Variants in DMD observed in about 807,000 individuals in gnomAD.
The protein encoded by DMD is mutant dystrophin.
In DMD, 63 loss-of-function variants were observed where a neutral mutation model predicts 330.1. The ratio of observed to expected loss-of-function variants is 0.19; its 90% CI spans 0.16 to 0.24. The LOEUF (loss-of-function observed/expected upper bound fraction) is 0.24. DMD is among the 10% of genes least tolerant of loss of function. The pLI, the probability that DMD is intolerant of heterozygous loss-of-function variation, is 1.00. For missense variants in DMD, 3,344 were observed against 2,684.1 expected (o/e 1.25, Z -5.43); for synonymous variants, 1,223 against 959.8 (o/e 1.27, Z -5.07).
Position 32,049,671 on chromosome X carries a change from T to A in DMD, c.6439-81157A>T, listed in dbSNP as rs765812873. The stretch of plus-strand genomic sequence containing the variant: ...GGGTCAAAGTGATCCACAGTTCACA[T>A]CAGATACCATTAAGTGTTTTTATAG... On this transcript the variant is annotated intron_variant, in intron 44 of 78. Coordinates refer to ENST00000357033, the MANE Select transcript of DMD (RefSeq NM_004006.3). Among the ~76,000 whole-genome samples the A allele has an allele frequency of 8.1e-5, 9 of 111,571 alleles. No individual in the cohort carries two copies. In the South Asian group the frequency reaches 3.4e-3, roughly 42 times the overall value.
At chrX:32,989,609 G>A (rs1034785253) in intron 2 of DMD, among the ~76,000 whole-genome samples, 1 of 111,437 alleles carries the variant, frequency 9.0e-6, no homozygotes, top group Admixed American at 9.6e-5. Flanking sequence ...ATTAATTTTA[G>A]AGAAAATGTC....
At chrX:32,802,843 C>T (rs1603429687) in intron 7 of DMD, among the ~76,000 whole-genome samples, 1 of 111,500 alleles carries the variant, frequency 9.0e-6, no homozygotes, top group Admixed American at 9.5e-5. Flanking sequence ...TGGTGGATAA[C>T]CTTTTTGATG....
intron 55 of DMD, among the ~76,000 whole-genome samples, chrX:31,555,721 T>C (rs2074768423): frequency 8.9e-6 from 1 of 112,019 alleles, no homozygotes; most frequent in African/African-American, 3.2e-5. Flanking sequence ...ACTTTGGTCC[T>C]TGTAAGCACA....
In DMD at chrX:33,086,929, A is replaced by T. The variant is rs149688567; in HGVS notation, c.32-66729T>A. Among the ~76,000 whole-genome samples the T allele has an allele frequency of 5.3e-3, 589 of 111,145 alleles. 5 individuals carry two copies. The highest frequency in any genetic ancestry group is 0.018 in the African/African-American group (562 of 30,631). On this transcript the variant is annotated intron_variant, in intron 1 of 78. Coordinates refer to ENST00000357033, the MANE Select transcript of DMD (RefSeq NM_004006.3). ...TTTATTTAAAGGGCCAAGGAATAAAATAAGAATGCGAAGGTAGAATGCAGC... is the reference window on the plus strand; with the variant it reads ...TTTATTTAAAGGGCCAAGGAATAAATTAAGAATGCGAAGGTAGAATGCAGC...
chrX:31,483,109 C>T (rs1043478016), intron 57 of DMD, among the ~76,000 whole-genome samples: 4 of 98,853 alleles, frequency 4.0e-5, no homozygotes, highest in Admixed American at 1.1e-4. Flanking sequence ...TGCAGTGGCG[C>T]AATCTCGGCT....
intron 50 of DMD, among the ~76,000 whole-genome samples, chrX:31,812,797 G>C (rs1190191590): frequency 9.0e-6 from 1 of 111,283 alleles, no homozygotes; most frequent in Admixed American, 9.5e-5. Context: ...CTGTAACCTT[G>C]GACAAATTAT....
At chrX:31,917,266 T>C (rs1459831235) in intron 47 of DMD, among the ~76,000 whole-genome samples, 1 of 112,079 alleles carries the variant, frequency 8.9e-6, no homozygotes, top group Admixed American at 9.5e-5. Flanking sequence ...TCTGGGAAAC[T>C]GTGACTTAGG....
rs1458091604 is a variant in DMD at position 32,809,561 on chromosome X, T to C, written c.581A>G (p.Gln194Arg). 14 of 1,211,323 alleles carry C rather than the reference T, an allele frequency of 1.2e-5. No homozygotes were observed. The highest frequency in any genetic ancestry group is 1.3e-5 in the Non-Finnish European group (12 of 895,410). Residue 194 changes from glutamine (Q) to arginine (R), a missense_variant, in exon 7 of 79, where the codon CAA becomes CGA. Gln to Arg is a conservative substitution (Grantham distance 43). Transcript: ENST00000357033. ...GATGTTGAATGCATGTTCCAGTCGTTGTGTGGCTGACTGCTGGCAAACCAC... is the reference window on the plus strand; with the variant it reads ...GATGTTGAATGCATGTTCCAGTCGTCGTGTGGCTGACTGCTGGCAAACCAC... Reference protein sequence around the residue: ...NSVVCQQSATQRLEHAFNIAR... With the variant: ...NSVVCQQSATRRLEHAFNIAR...
At chrX:32,075,689 A>G (rs148465566) in intron 44 of DMD, among the ~76,000 whole-genome samples, 2,372 of 110,747 alleles carry the variant, frequency 0.021, 25 homozygotes, top group South Asian at 0.041. Context: ...TTCTACATTT[A>G]ATCTCTTAAT....
At position 33,007,601 on chromosome X, in the gene DMD, G is replaced by A. The variant is rs973126034; in HGVS notation, c.93+12538C>T. On this transcript the variant is annotated intron_variant, in intron 2 of 78. Transcript: ENST00000357033. ...AAGTTGACAAACAAATATAGAGAAC[G>A]TCAGATAGTTTGCTAAATGTTTCCC... Among the ~76,000 whole-genome samples the A allele has an allele frequency of 5.4e-5, 6 of 111,178 alleles. No individual in the cohort carries two copies. The East Asian group carries it at 8.5e-4, about 16-fold the overall frequency.
chrX:32,165,707 T>G (rs769210391), intron 44 of DMD, among the ~76,000 whole-genome samples: 12 of 111,597 alleles, frequency 1.1e-4, no homozygotes, highest in Non-Finnish European at 2.3e-4. Flanking sequence ...AGGAGCAAAA[T>G]GATATGTTTG....
intron 43 of DMD, among the ~76,000 whole-genome samples, chrX:32,253,540 C>A (rs2097285539): frequency 1.8e-5 from 2 of 110,593 alleles, no homozygotes; most frequent in South Asian, 7.7e-4. Flanking sequence ...TTTGTTAGAT[C>A]ATCCTTACTC....
intron 7 of DMD, among the ~76,000 whole-genome samples, chrX:32,785,650 C>T (rs1350459389): frequency 9.0e-6 from 1 of 111,569 alleles, no homozygotes; most frequent in East Asian, 2.8e-4. Flanking sequence ...AGCAGTTTTA[C>T]TTAGGTTATA....
chrX:32,604,395 T>G (rs1327737258), intron 12 of DMD, among the ~76,000 whole-genome samples: 1 of 109,940 alleles, frequency 9.1e-6, no homozygotes, highest in East Asian at 2.9e-4. Flanking sequence ...TGAAAGAACA[T>G]ATCTCAAAAT....
chrX:33,333,498 T>C (rs946535663), intron 1 of DMD, among the ~76,000 whole-genome samples: 3 of 110,829 alleles, frequency 2.7e-5, no homozygotes, highest in African/African-American at 6.5e-5. Context: ...AAGTAGCTGC[T>C]CAGGAACATC....
intron 1 of DMD, among the ~76,000 whole-genome samples, chrX:33,058,139 C>G (rs2148105): frequency 9.0e-6 from 1 of 111,258 alleles, no homozygotes; most frequent in African/African-American, 3.3e-5. Context: ...CTGGGCCTCC[C>G]AAAGTGCTAG....
chrX:31,260,266 A>T (rs994161549), intron 63 of DMD, among the ~76,000 whole-genome samples: 2 of 111,665 alleles, frequency 1.8e-5, no homozygotes, highest in African/African-American at 3.3e-5. Context: ...AACAAGCTGC[A>T]ACTTAAGATA....
intron 1 of DMD, among the ~76,000 whole-genome samples, chrX:33,169,033 CAA>C (rs1475304485): frequency 6.5e-5 from 7 of 107,791 alleles, no homozygotes. Flanking sequence ...CTTGCATGCA[CAA>C]AGTCTTTGAA....
intron 7 of DMD, among the ~76,000 whole-genome samples, chrX:32,805,405 G>C (rs753362844): frequency 5.4e-5 from 6 of 111,646 alleles, no homozygotes; most frequent in African/African-American, 1.6e-4. Flanking sequence ...GTGAAGACAA[G>C]ATTAGAGAAA....
Sources: gnomAD v4.1 joint callset for allele counts (sites outside exome capture counted in the v4.1 genomes callset) on GRCh38, gnomAD v4.1.1 for gene constraint, MANE v1.5 for transcripts, NCBI Gene and HGNC (gene_info 2026-07-23, HGNC 2026-07-21) for gene names.